GSDME: variants seen among roughly 807,000 people sequenced by gnomAD.
GSDME encodes gasdermin-E.
In GSDME, 44 loss-of-function variants were observed where a neutral mutation model predicts 47.5. The observed-to-expected ratio is 0.93, with a 90% CI of 0.73 to 1.19. The LOEUF (loss-of-function observed/expected upper bound fraction) is 1.19. Among genes scored for constraint, GSDME ranks in the 50% most tolerant of loss-of-function variants. GSDME has a pLI of 0.00. For synonymous variants in GSDME, 258 were observed against 252.8 expected (o/e 1.02, Z -0.20); for missense variants, 663 against 604.2 (o/e 1.10, Z -1.02).
At chr7:24,709,407 G>GGAAAGCCTTATATTAA (rs1225522019) in intron 6 of GSDME, among the ~76,000 whole-genome samples, 2 of 149,858 alleles carry the variant, frequency 1.3e-5, no homozygotes, top group African/African-American at 5.0e-5. Context: ...AGCCAAGATA[G>GGAAAGCCTTATATTAA]GAAAGCCTTA....
At chr7:24,780,697 G>A in the GSDME span, among the ~76,000 whole-genome samples, 1 of 152,140 alleles carries the variant, frequency 6.6e-6, no homozygotes, top group Admixed American at 6.5e-5. The surrounding 1 kb of genome is among the most constrained non-coding windows in gnomAD (Gnocchi z 4.1). Context: ...AGGTGGTTAC[G>A]CCCTCTCTCA....
At chr7:24,794,856 A>C in the GSDME span, among the ~76,000 whole-genome samples, 3 of 152,210 alleles carry the variant, frequency 2.0e-5, no homozygotes, top group Non-Finnish European at 2.9e-5. Context: ...ATTCACACTA[A>C]AACCAAAGTA....
chr7:24,759,395 C>CT (rs202130248), upstream of GSDME, among the ~76,000 whole-genome samples: 2,445 of 148,672 alleles, frequency 0.016, 40 homozygotes, highest in African/African-American at 0.028. Flanking sequence ...AATTCTGTCA[C>CT]TTTTTTTTTT....
At chr7:24,710,129 T>C in intron 6 of GSDME, 95 bp downstream of exon 6, 1 of 1,334,556 alleles carries the variant, frequency 7.5e-7, no homozygotes, top group South Asian at 1.2e-5. Flanking sequence ...TGTGAGTCAC[T>C]GAGGGGTCAC....
At chr7:24,748,310 C>T (rs1423588713) in intron 2 of GSDME, among the ~76,000 whole-genome samples, 1 of 151,780 alleles carries the variant, frequency 6.6e-6, no homozygotes, top group African/African-American at 2.4e-5. Context: ...CAGGTGCCTA[C>T]CACCTTGCCC....
chr7:24,727,493 G>C (rs1790005762), intron 3 of GSDME, among the ~76,000 whole-genome samples: 1 of 152,218 alleles, frequency 6.6e-6, no homozygotes. Flanking sequence ...CAGAAACAGA[G>C]ATATGTATTG....
At chr7:24,767,400 C>T in the GSDME span, among the ~76,000 whole-genome samples, 1 of 152,144 alleles carries the variant, frequency 6.6e-6, no homozygotes, top group Non-Finnish European at 1.5e-5. This position sits in a 1 kb window ranked among gnomAD's most constrained non-coding sequence, Gnocchi z 5.3. Context: ...CACATGTACC[C>T]ACTACCCAGT....
At chr7:24,771,464 A>G in the GSDME span, among the ~76,000 whole-genome samples, 1 of 152,252 alleles carries the variant, frequency 6.6e-6, no homozygotes, top group African/African-American at 2.4e-5. This position sits in a 1 kb window ranked among gnomAD's most constrained non-coding sequence, Gnocchi z 4.1. Context: ...CAACACATTC[A>G]TTGAGCCCCT....
intron 3 of GSDME, among the ~76,000 whole-genome samples, chr7:24,730,410 G>A (rs1790106672): frequency 6.6e-6 from 1 of 152,132 alleles, no homozygotes; most frequent in South Asian, 2.1e-4. Flanking sequence ...ATGACATCTT[G>A]GATTTGAAGA....
upstream of GSDME, chr7:24,757,742 T>C (rs779162368): frequency 2.0e-5 from 3 of 152,290 alleles, no homozygotes; most frequent in South Asian, 2.1e-4. This position sits in a 1 kb window ranked among gnomAD's most constrained non-coding sequence, Gnocchi z 5.9. Context: ...AAGAGTGGGC[T>C]GCGCCTGCCT....
chr7:24,700,884 A>G (rs1279133702), intron 9 of GSDME, among the ~76,000 whole-genome samples: 1 of 152,236 alleles, frequency 6.6e-6, no homozygotes, highest in South Asian at 2.1e-4. Flanking sequence ...AGAGCTGTGC[A>G]GCATTCGGCT....
At position 24,698,766 on chromosome 7, in the gene GSDME, T is replaced by C. The variant is rs886062223; in HGVS notation, c.*260A>G. 12 of 513,864 alleles carry C rather than the reference T, an allele frequency of 2.3e-5. No individual in the cohort carries two copies. The South Asian group carries it at 2.5e-4, about 11-fold the overall frequency. The allele number at this position is 513,864 out of a possible 1,614,324, so 31.8% of individuals were successfully genotyped here. ...AAACGTCTGAATGTATGCTAAGAATTCTCCGCCCTCCCAGCTCTTTACATG... is the reference window on the plus strand; with the variant it reads ...AAACGTCTGAATGTATGCTAAGAATCCTCCGCCCTCCCAGCTCTTTACATG... On this transcript the variant is annotated 3_prime_UTR_variant, in exon 10 of 10. Transcript: ENST00000645220.
chr7:24,757,495 G>A (rs967251592), upstream of GSDME: 1 of 151,772 alleles, frequency 6.6e-6, no homozygotes, highest in African/African-American at 2.4e-5. This position sits in a 1 kb window ranked among gnomAD's most constrained non-coding sequence, Gnocchi z 5.9. Flanking sequence ...CTTGGGGAGG[G>A]CGGAGAGAGG....
At chr7:24,778,471 T>C in the GSDME span, among the ~76,000 whole-genome samples, 1 of 152,192 alleles carries the variant, frequency 6.6e-6, no homozygotes, top group Non-Finnish European at 1.5e-5. This position sits in a 1 kb window ranked among gnomAD's most constrained non-coding sequence, Gnocchi z 5.6. Context: ...TTATTTTGTT[T>C]TGTTGCACCC....
intron 3 of GSDME, among the ~76,000 whole-genome samples, chr7:24,730,400 A>C (rs1790106251): frequency 6.6e-6 from 1 of 152,242 alleles, no homozygotes; most frequent in Admixed American, 6.5e-5. Context: ...CTTTCAATGG[A>C]TGACATCTTG....
rs762078113 is a variant in GSDME, at chr7:24,708,133, T to C, written c.984A>G (p.Glu328=). 1 of 1,614,094 alleles carries C rather than the reference T, an allele frequency of 6.2e-7. No homozygotes were observed. The highest frequency in any genetic ancestry group is 8.5e-7 in the Non-Finnish European group (1 of 1,180,014). Residue 328 remains glutamate, a synonymous_variant, in exon 7 of 10, where the codon GAA becomes GAG. Coordinates refer to ENST00000645220, the MANE Select transcript of GSDME (RefSeq NM_001127453.2). ...GAGATGTCTCAGGGCTCACCACTGG[T>C]TCCAGGACCATGAGTAGTTCATCAT... ...LFDDELLMVL[E]PVCDDLVSGL... is the part of the protein sequence containing the mutation.
At chr7:24,768,691 A>G in the GSDME span, among the ~76,000 whole-genome samples, 1 of 152,128 alleles carries the variant, frequency 6.6e-6, no homozygotes. This position sits in a 1 kb window ranked among gnomAD's most constrained non-coding sequence, Gnocchi z 5.6. Context: ...GAACGCTTTT[A>G]TTTTCTATGT....
chr7:24,754,583 A>G lies in GSDME; in HGVS notation c.-20+2813T>C, dbSNP rs1267305740. 6.6e-6 allele frequency among the ~76,000 whole-genome samples: 1 copy of G among 152,166 alleles called. No individual in the cohort carries two copies. The highest frequency in any genetic ancestry group is 1.5e-5 in the Non-Finnish European group (1 of 68,028). ...TAAAAAGGCCAAAGCAAATGCAGTA[A>G]GGATATCCTAGCTTGAGTCAGACTC... On this transcript the variant is annotated intron_variant, in intron 1 of 9. Coordinates refer to ENST00000645220, the MANE Select transcript of GSDME (RefSeq NM_001127453.2). This position sits in a 1 kb window ranked among gnomAD's most constrained non-coding sequence, Gnocchi z 5.0.
At chr7:24,775,758 C>T in the GSDME span, among the ~76,000 whole-genome samples, 1 of 149,554 alleles carries the variant, frequency 6.7e-6, no homozygotes, top group Admixed American at 6.7e-5. Flanking sequence ...ACTTGTAATC[C>T]CAGCTAGTTG....
Sources: allele counts gnomAD v4.1 joint callset (sites outside exome capture counted in the v4.1 genomes callset), GRCh38; gene constraint gnomAD v4.1.1; non-coding constraint Gnocchi (gnomAD v3.1); transcripts MANE v1.5; gene names NCBI Gene and HGNC (gene_info 2026-07-23, HGNC 2026-07-21).